Variants in PCDHGA5 observed in about 807,000 individuals in gnomAD.
The protein encoded by PCDHGA5 is protocadherin gamma subfamily A, 5.
A neutral mutation model predicts 56.7 loss-of-function variants in PCDHGA5; 36 were observed. The ratio of observed to expected loss-of-function variants is 0.64; its 90% CI spans 0.49 to 0.84. PCDHGA5 has a LOEUF of 0.84. Ranked by LOEUF, PCDHGA5 falls within the 40% of genes least tolerant of loss-of-function variation. PCDHGA5 has a pLI of 0.00. For missense variants in PCDHGA5, 1,305 were observed against 1,201.5 expected, an observed-to-expected ratio of 1.09 and a Z score of -1.27; for synonymous variants, 563 against 520.2, an observed-to-expected ratio of 1.08 and a Z score of -1.12.
chr5:141,375,505 G>A lies in PCDHGA5; in HGVS notation c.2421+8754G>A, dbSNP rs551956324. On this transcript the variant is annotated intron_variant, in intron 1 of 3. Coordinates refer to ENST00000518069, the MANE Select transcript of PCDHGA5 (RefSeq NM_018918.3). The stretch of plus-strand genomic sequence containing the variant: ...CCAGGGGTGCCTCCATCTTCTCTGT[G>A]AATGCACTGGACCCTGACGTGGACC... The A allele has an allele frequency of 1.5e-5, 25 of 1,613,998 alleles. 1 individual carries two copies. The South Asian group carries it at 2.7e-4, about 18-fold the overall frequency.
chr5:141,393,771 C>G (rs1207407733), intron 1 of PCDHGA5: 4 of 1,613,874 alleles, frequency 2.5e-6, no homozygotes, highest in Non-Finnish European at 3.4e-6. Context: ...AATGGAAATA[C>G]AAGCCGAAGA....
In PCDHGA5 at chr5:141,393,089, G is replaced by A. The variant is rs1168367249; in HGVS notation, c.2421+26338G>A. 4 of 1,613,660 alleles carry A rather than the reference G, an allele frequency of 2.5e-6. No homozygotes were observed. In the East Asian group the frequency reaches 6.7e-5, roughly 27 times the overall value. ...TGATCACCGCGGGCAGGATAGATCGGGAGGAGCTCTGCGCTCAGAGCCCGC... is the reference window on the plus strand; with the variant it reads ...TGATCACCGCGGGCAGGATAGATCGAGAGGAGCTCTGCGCTCAGAGCCCGC... On this transcript the variant is annotated intron_variant, in intron 1 of 3. Transcript: ENST00000518069.
At chr5:141,453,481 TA>T (rs1178324090) in intron 1 of PCDHGA5, among the ~76,000 whole-genome samples, 1 of 151,928 alleles carries the variant, frequency 6.6e-6, no homozygotes, top group Non-Finnish European at 1.5e-5. Context: ...TCAAAACTAT[TA>T]AAAAAAGGTG....
rs756252337 is a variant in PCDHGA5, at chr5:141,413,183, C to T, written c.2421+46432C>T. The T allele has an allele frequency of 3.7e-6, 6 of 1,605,222 alleles. No individual in the cohort carries two copies. The Admixed American group carries it at 1.0e-4, about 27-fold the overall frequency. Reference sequence around the variant, plus strand: ...TTCTGTAACCAGACTACAATGGCCGCTCAAAGGAATCGCTCAAAGGAATCA... The same window carrying T: ...TTCTGTAACCAGACTACAATGGCCGTTCAAAGGAATCGCTCAAAGGAATCA... On this transcript the variant is annotated intron_variant, in intron 1 of 3. Transcript: ENST00000518069.
chr5:141,495,276 G>A (rs1350329744), intron 2 of PCDHGA5, among the ~76,000 whole-genome samples: 1 of 152,190 alleles, frequency 6.6e-6, no homozygotes, highest in East Asian at 1.9e-4. Flanking sequence ...GACCGGAGGA[G>A]GCGGTCCGCA....
intron 1 of PCDHGA5, among the ~76,000 whole-genome samples, chr5:141,492,408 C>T (rs1187024017): frequency 2.0e-5 from 3 of 152,244 alleles, no homozygotes; most frequent in African/African-American, 2.4e-5. Flanking sequence ...CTCCCCTCTG[C>T]CGCTCCCTCC....
At chr5:141,466,938 G>C (rs985959499) in intron 1 of PCDHGA5, among the ~76,000 whole-genome samples, 1 of 151,854 alleles carries the variant, frequency 6.6e-6, no homozygotes, top group Non-Finnish European at 1.5e-5. Context: ...TTAGTCCTTT[G>C]TCCAGTAAAC....
At chr5:141,497,212 G>T (rs968445663) in intron 2 of PCDHGA5, among the ~76,000 whole-genome samples, 3 of 150,900 alleles carry the variant, frequency 2.0e-5, no homozygotes, top group Non-Finnish European at 3.0e-5. Context: ...AGTGTAATGG[G>T]GGGGGGAAGA....
Position 141,485,434 on chromosome 5 carries a change from G to T in PCDHGA5, c.2422-9373G>T. The stretch of plus-strand genomic sequence containing the variant: ...TGGACAGCGGAGCCCTGCTCATCAA[G>T]AACCCAATCGACCGAGAGGCACTGT... On this transcript the variant is annotated intron_variant, in intron 1 of 3. Transcript: ENST00000518069. This position sits in a 1 kb window ranked among gnomAD's most constrained non-coding sequence, Gnocchi z 5.7. The T allele has an allele frequency of 6.2e-7, 1 of 1,614,166 alleles. No homozygotes were observed. The highest frequency in any genetic ancestry group is 1.6e-4 in the Middle Eastern group (1 of 6,062).
intron 1 of PCDHGA5, chr5:141,389,158 G>C (rs774342496): frequency 5.6e-6 from 9 of 1,613,968 alleles, no homozygotes; most frequent in Non-Finnish European, 7.6e-6. Context: ...GCAACAGATC[G>C]GGGCAAGCCT....
Position 141,432,253 on chromosome 5 carries a change from G to A in PCDHGA5, c.2422-62554G>A, listed in dbSNP as rs1193159615. ...CCCTGGCTGAGAACACCATCCAAGGGGCAAGCCTATCGTCCTACGTGTCCA... is the reference window on the plus strand; with the variant it reads ...CCCTGGCTGAGAACACCATCCAAGGAGCAAGCCTATCGTCCTACGTGTCCA... On this transcript the variant is annotated intron_variant, in intron 1 of 3. Coordinates refer to ENST00000518069, the MANE Select transcript of PCDHGA5 (RefSeq NM_018918.3). The surrounding 1 kb of genome is among the most constrained non-coding windows in gnomAD (Gnocchi z 6.0). 2.5e-6 allele frequency: 4 copies of A among 1,614,086 alleles called. No individual in the cohort carries two copies. Among genetic ancestry groups the A allele is most frequent in the Non-Finnish European group, 3.4e-6 (4 of 1,180,046 alleles).
At chr5:141,374,123 G>A (rs1770158708) in intron 1 of PCDHGA5, 2 of 1,602,040 alleles carry the variant, frequency 1.2e-6, no homozygotes, top group Non-Finnish European at 8.5e-7. Context: ...CAGCGAGCAG[G>A]TCCTGCTCCT....
rs750928530 is a variant in PCDHGA5 at position 141,490,174 on chromosome 5, G to T, written c.2422-4633G>T. 1 of 1,614,056 alleles carries T rather than the reference G, an allele frequency of 6.2e-7. No individual in the cohort carries two copies. Among genetic ancestry groups the T allele is most frequent in the South Asian group, 1.1e-5 (1 of 91,086 alleles). ...TGTGTTGGGTCCCATAGACTTTGAG[G>T]AGTCACGTTTCTATGAAATTCATGC... On this transcript the variant is annotated intron_variant, in intron 1 of 3. Transcript: ENST00000518069. This position sits in a 1 kb window ranked among gnomAD's most constrained non-coding sequence, Gnocchi z 5.4.
chr5:141,379,418 GA>G (rs1208942827), intron 1 of PCDHGA5: 1 of 152,186 alleles, frequency 6.6e-6, no homozygotes, highest in African/African-American at 2.4e-5. Context: ...TTAGTCTCAT[GA>G]GTTAGATGGG....
chr5:141,462,811 T>C (rs893444929), intron 1 of PCDHGA5, among the ~76,000 whole-genome samples: 1 of 152,206 alleles, frequency 6.6e-6, no homozygotes, highest in Non-Finnish European at 1.5e-5. Context: ...ATAATGTTTT[T>C]ATTGGACAGC....
At chr5:141,438,366 G>A (rs749623408) in intron 1 of PCDHGA5, among the ~76,000 whole-genome samples, 6 of 151,462 alleles carry the variant, frequency 4.0e-5, no homozygotes, top group Non-Finnish European at 7.4e-5. Context: ...TTGTCATTGA[G>A]GGCAGATATA....
At chr5:141,374,573 A>G in intron 1 of PCDHGA5, 1 of 1,613,740 alleles carries the variant, frequency 6.2e-7, no homozygotes, top group Non-Finnish European at 8.5e-7. Context: ...TGATGTGGGA[A>G]TGAACTCCCT....
rs187164796 is a variant in PCDHGA5, at chr5:141,398,527, A to C, written c.2421+31776A>C. On this transcript the variant is annotated intron_variant, in intron 1 of 3. Transcript: ENST00000518069. ...CATTAATGACCACACGCCAAAATTC[A>C]CGCAAAATTCCTTTGAGCTGCAAAT... 1.8e-3 allele frequency: 2,980 copies of C among 1,613,696 alleles called. 47 individuals are homozygous for C. The African/African-American group carries it at 0.033, about 18-fold the overall frequency.
chr5:141,446,455 T>G (rs1347586383), intron 1 of PCDHGA5, among the ~76,000 whole-genome samples: 1 of 151,858 alleles, frequency 6.6e-6, no homozygotes, highest in Non-Finnish European at 1.5e-5. Context: ...AGATATTCAG[T>G]GTGTGATTAG....
Sources: allele counts gnomAD v4.1 joint callset (sites outside exome capture counted in the v4.1 genomes callset), GRCh38; gene constraint gnomAD v4.1.1; non-coding constraint Gnocchi (gnomAD v3.1); transcripts MANE v1.5; gene names NCBI Gene and HGNC (gene_info 2026-07-23, HGNC 2026-07-21).